Variants in FIGN observed in about 807,000 individuals in gnomAD.
FIGN encodes fidgetin.
FIGN carries 11 observed loss-of-function variants against 51.3 expected under a neutral mutation model. The observed-to-expected ratio is 0.21, with a 90% confidence interval of 0.13 to 0.35. The LOEUF (loss-of-function observed/expected upper bound fraction) is 0.35, where lower values mean the gene tolerates loss of function less well. Among genes scored for constraint, FIGN ranks in the 10% least tolerant of loss-of-function variants. The pLI is 1.00. For missense variants in FIGN, 857 were observed against 943.6 expected, an observed-to-expected ratio of 0.91 and a Z score of 1.20; for synonymous variants, 407 against 363.2, an observed-to-expected ratio of 1.12 and a Z score of -1.37.
At chr2:163,688,252 C>A (rs138327295) in intron 2 of FIGN, among the ~76,000 whole-genome samples, 1 of 152,152 alleles carries the variant, frequency 6.6e-6, no homozygotes, top group Admixed American at 6.5e-5. Flanking sequence ...CCAATGAGAC[C>A]TATCGTGTGC....
In FIGN at chr2:163,610,056, G is replaced by C; in HGVS notation, c.1776C>G (p.Ser592=). The C allele has an allele frequency of 6.2e-7, 1 of 1,614,034 alleles. No homozygotes were observed. The highest frequency in any genetic ancestry group is 8.5e-7 in the Non-Finnish European group (1 of 1,179,946). The change falls in exon 3 of 3, where the codon TCC becomes TCG. Residue 592 remains serine, a synonymous_variant. Coordinates refer to ENST00000333129, the MANE Select transcript of FIGN (RefSeq NM_018086.4). ...IFVSDIDMLL[S]SQVNEEHSPV... ...GACTATGTTCCTCATTCACTTGAGA[G>C]GAGAGAAGCATGTCAATGTCACTAA... is the stretch of plus-strand genomic sequence containing the variant.
chr2:163,724,919 T>C (rs1391043182), intron 2 of FIGN, among the ~76,000 whole-genome samples: 2 of 152,204 alleles, frequency 1.3e-5, no homozygotes, highest in Non-Finnish European at 2.9e-5. Flanking sequence ...TCAATGATTC[T>C]TAATAACTGA....
At chr2:163,704,625 T>TTC (rs751888499) in intron 2 of FIGN, among the ~76,000 whole-genome samples, 5,585 of 36,296 alleles carry the variant, frequency 0.15, 499 homozygotes, top group Non-Finnish European at 0.2. Context: ...GTCTCTCTCT[T>TTC]TCTCTCTCTC....
chr2:163,709,861 A>G (rs932998073), intron 2 of FIGN, among the ~76,000 whole-genome samples: 9 of 152,192 alleles, frequency 5.9e-5, no homozygotes, highest in African/African-American at 9.7e-5. Context: ...GCTCTAGGAT[A>G]AAAAGGAATA....
chr2:163,716,999 C>T (rs1453637229), intron 2 of FIGN, among the ~76,000 whole-genome samples: 1 of 152,102 alleles, frequency 6.6e-6, no homozygotes, highest in Non-Finnish European at 1.5e-5. Flanking sequence ...TTTTTTATTA[C>T]AATTTTGCAC....
intron 2 of FIGN, among the ~76,000 whole-genome samples, chr2:163,675,719 T>C (rs1325090525): frequency 6.1e-5 from 9 of 146,654 alleles, no homozygotes; most frequent in Admixed American, 1.4e-4. Flanking sequence ...TTTTTTTTTT[T>C]TTTTTTTTTT....
chr2:163,692,233 A>C (rs930380838), intron 2 of FIGN, among the ~76,000 whole-genome samples: 1 of 152,184 alleles, frequency 6.6e-6, no homozygotes. Flanking sequence ...AACATGATTC[A>C]GTAAGAAGCA....
At position 163,705,880 on chromosome 2, in the gene FIGN, G is replaced by A. The variant is rs992138214; in HGVS notation, c.25+29023C>T. On this transcript the variant is annotated intron_variant, in intron 2 of 2. Transcript: ENST00000333129. The stretch of plus-strand genomic sequence containing the variant: ...CTACTACAGAAAAACTAAAAACAAC[G>A]TCCATTTTAATCACTTACAAATGAC... Among the ~76,000 whole-genome samples, 10 of 152,144 alleles carry A rather than the reference G, an allele frequency of 6.6e-5. No homozygotes were observed. The East Asian group carries it at 9.7e-4, about 15-fold the overall frequency.
intron 2 of FIGN, among the ~76,000 whole-genome samples, chr2:163,704,677 C>A (rs1313998111): frequency 2.0e-5 from 3 of 150,780 alleles, no homozygotes; most frequent in East Asian, 1.9e-4. Context: ...CACACACACA[C>A]ACACACACAC....
chr2:163,658,160 T>C (rs1181822805), intron 2 of FIGN, among the ~76,000 whole-genome samples: 1 of 152,148 alleles, frequency 6.6e-6, no homozygotes, highest in East Asian at 1.9e-4. Flanking sequence ...AGGGAGAACA[T>C]TGCTAGTGGT....
At chr2:163,730,504 TTG>T (rs59444555) in intron 2 of FIGN, among the ~76,000 whole-genome samples, 3,864 of 148,726 alleles carry the variant, frequency 0.026, 157 homozygotes, top group African/African-American at 0.086. Flanking sequence ...TGCTCCGTGT[TTG>T]TGTGTGTGTG....
At chr2:163,650,283 G>A (rs1683450936) in intron 2 of FIGN, among the ~76,000 whole-genome samples, 1 of 151,542 alleles carries the variant, frequency 6.6e-6, no homozygotes. Flanking sequence ...TATATTCAAT[G>A]ATCCCAAATG....
chr2:163,714,885 A>G (rs1684644788), intron 2 of FIGN, among the ~76,000 whole-genome samples: 1 of 152,190 alleles, frequency 6.6e-6, no homozygotes, highest in Non-Finnish European at 1.5e-5. Flanking sequence ...TCCAAATTAA[A>G]CATTTATGCA....
rs1199053790 is a variant in FIGN, at chr2:163,607,677, C to T, written c.*1875G>A. On this transcript the variant is annotated 3_prime_UTR_variant, in exon 3 of 3. Transcript: ENST00000333129. ...ATGTACATCACTTATTTATTGAATACATAAAATGCCAGTGCTTTGCAACAG... is the reference window on the plus strand; with the variant it reads ...ATGTACATCACTTATTTATTGAATATATAAAATGCCAGTGCTTTGCAACAG... The T allele has an allele frequency of 6.6e-6, 1 of 152,294 alleles. No individual in the cohort carries two copies. The highest frequency in any genetic ancestry group is 1.5e-5 in the Non-Finnish European group (1 of 67,984). The allele number at this position is 152,294 out of a possible 1,614,324, so 9.4% of individuals were successfully genotyped here.
At chr2:163,733,048 A>G (rs1444465659) in intron 2 of FIGN, among the ~76,000 whole-genome samples, 2 of 152,234 alleles carry the variant, frequency 1.3e-5, no homozygotes, top group African/African-American at 4.8e-5. Context: ...TTAGAAAACA[A>G]GAGCCAGTAA....
At chr2:163,727,782 G>A (rs1364842767) in intron 2 of FIGN, among the ~76,000 whole-genome samples, 1 of 152,114 alleles carries the variant, frequency 6.6e-6, no homozygotes, top group Admixed American at 6.5e-5. Context: ...ATCCATACTT[G>A]CTGGACATTC....
intron 2 of FIGN, among the ~76,000 whole-genome samples, chr2:163,650,424 C>T (rs1325390584): frequency 1.3e-5 from 2 of 151,760 alleles, no homozygotes; most frequent in South Asian, 2.1e-4. Context: ...TTAAGTTCTG[C>T]GACACATGTG....
intron 2 of FIGN, among the ~76,000 whole-genome samples, chr2:163,612,771 A>T (rs1326733337): frequency 7.4e-6 from 1 of 135,558 alleles, no homozygotes; most frequent in Non-Finnish European, 1.5e-5. Flanking sequence ...TATATATATT[A>T]TATATGAGAG....
intron 2 of FIGN, among the ~76,000 whole-genome samples, chr2:163,719,567 T>C (rs1434344110): frequency 1.3e-5 from 2 of 152,212 alleles, no homozygotes; most frequent in African/African-American, 2.4e-5. Flanking sequence ...CATTTGGTCT[T>C]GTTTTCTAAA....
Sources: gnomAD v4.1 joint callset for allele counts (sites outside exome capture counted in the v4.1 genomes callset) on GRCh38, gnomAD v4.1.1 for gene constraint, MANE v1.5 for transcripts, NCBI Gene and HGNC (gene_info 2026-07-23, HGNC 2026-07-21) for gene names.